PARD3B: variants seen among roughly 807,000 people sequenced by gnomAD.
PARD3B encodes the protein par-3 family cell polarity regulator beta, also known as partitioning defective 3 homolog B.
Under a neutral mutation model 130.2 loss-of-function variants are expected in PARD3B, and 103 were observed. The ratio of observed to expected loss-of-function variants is 0.79; its 90% CI spans 0.67 to 0.93. PARD3B has a LOEUF of 0.93. Among genes scored for constraint, PARD3B ranks in the 40% least tolerant of loss-of-function variants. The pLI, the probability that PARD3B is intolerant of heterozygous loss-of-function variation, is 0.00. For synonymous variants in PARD3B, 583 were observed against 553.2 expected, an observed-to-expected ratio of 1.05 and a Z score of -0.76; for missense variants, 1,609 against 1,499.2, an observed-to-expected ratio of 1.07 and a Z score of -1.21.
chr2:204,963,934 C>T (rs149868144), intron 2 of PARD3B, among the ~76,000 whole-genome samples: 9 of 152,138 alleles, frequency 5.9e-5, no homozygotes, highest in South Asian at 4.2e-4. Flanking sequence ...TTTTGAATGG[C>T]GAATTTGCAT....
At chr2:204,793,563 A>C (rs765789289) in intron 2 of PARD3B, among the ~76,000 whole-genome samples, 1 of 152,016 alleles carries the variant, frequency 6.6e-6, no homozygotes, top group Non-Finnish European at 1.5e-5. Context: ...GCTGGAGTGC[A>C]ATGGCGTGAC....
At chr2:205,076,439 T>C (rs540176790) in intron 4 of PARD3B, among the ~76,000 whole-genome samples, 10 of 152,324 alleles carry the variant, frequency 6.6e-5, no homozygotes, top group African/African-American at 2.2e-4. Context: ...TTATCTTAAA[T>C]GTTAACATAC....
chr2:204,879,246 C>T (rs2045952723), intron 2 of PARD3B, among the ~76,000 whole-genome samples: 1 of 152,168 alleles, frequency 6.6e-6, no homozygotes, highest in African/African-American at 2.4e-5. Context: ...TTTCACATCT[C>T]AGATGACAGG....
At chr2:205,334,422 A>G (rs536280444) in intron 18 of PARD3B, among the ~76,000 whole-genome samples, 1 of 152,364 alleles carries the variant, frequency 6.6e-6, no homozygotes, top group African/African-American at 2.4e-5. Flanking sequence ...GATGAATTCA[A>G]TTCAAGGGTG....
chr2:204,878,549 A>G (rs1284205034), intron 2 of PARD3B, among the ~76,000 whole-genome samples: 1 of 152,154 alleles, frequency 6.6e-6, no homozygotes, highest in East Asian at 1.9e-4. Flanking sequence ...AAAAAAGAGT[A>G]TAGCAAATTT....
chr2:205,290,634 G>T (rs913825501), intron 16 of PARD3B, among the ~76,000 whole-genome samples: 6 of 152,152 alleles, frequency 3.9e-5, no homozygotes, highest in Non-Finnish European at 8.8e-5. Flanking sequence ...GTTTCAAAGA[G>T]ATAGCCATTT....
In PARD3B at chr2:205,530,072, A is replaced by G. The variant is rs749267092; in HGVS notation, c.3181-23252A>G. Among the ~76,000 whole-genome samples the G allele has an allele frequency of 1.3e-5, 2 of 152,188 alleles. No homozygotes were observed. The highest frequency in any genetic ancestry group is 2.4e-5 in the African/African-American group (1 of 41,454). Reference sequence around the variant, plus strand: ...AATGCTGTGAAGAGTAAGAAATGCTATCCGTAGGGTATGCACATTCCCACC... The same window carrying G: ...AATGCTGTGAAGAGTAAGAAATGCTGTCCGTAGGGTATGCACATTCCCACC... On this transcript the variant is annotated intron_variant, in intron 21 of 22. Coordinates refer to ENST00000406610, the MANE Select transcript of PARD3B (RefSeq NM_001302769.2). The surrounding 1 kb of genome is among the most constrained non-coding windows in gnomAD (Gnocchi z 4.7).
At chr2:204,707,624 A>G (rs1269482730) in intron 2 of PARD3B, among the ~76,000 whole-genome samples, 1 of 152,164 alleles carries the variant, frequency 6.6e-6, no homozygotes, top group Non-Finnish European at 1.5e-5. Flanking sequence ...GTGTTTGTGC[A>G]TACACACAAA....
Position 204,546,011 on chromosome 2 carries a change from C to T in PARD3B, c.12C>T (p.Thr4=), listed in dbSNP as rs757298920. 3.8e-6 allele frequency: 6 copies of T among 1,567,878 alleles called. No homozygotes were observed. The highest frequency in any genetic ancestry group is 1.4e-5 in the African/African-American group (1 of 73,658). Reference sequence around the variant, plus strand: ...CGCCGGGGGCCAGGATGAAAGTGACCGTGTGCTTCGGCAGGACGGGCATCG... The same window carrying T: ...CGCCGGGGGCCAGGATGAAAGTGACTGTGTGCTTCGGCAGGACGGGCATCG... MKV[T]VCFGRTGIVV... is the part of the protein sequence containing the mutation. Residue 4 remains threonine (T), a synonymous_variant, in exon 1 of 23, where the codon ACC becomes ACT. Coordinates refer to ENST00000406610, the MANE Select transcript of PARD3B (RefSeq NM_001302769.2).
At chr2:205,245,974 T>C in intron 16 of PARD3B, 152 bp downstream of exon 16, 7 of 634,864 alleles carry the variant, frequency 1.1e-5, no homozygotes, top group South Asian at 2.3e-5. Context: ...AGATGACTTA[T>C]TGCTTGGCTG....
chr2:205,370,620 T>C (rs1488841594), intron 18 of PARD3B, among the ~76,000 whole-genome samples: 1 of 152,224 alleles, frequency 6.6e-6, no homozygotes. Context: ...CAGTTCATTC[T>C]GTCCTCTTCC....
intron 2 of PARD3B, among the ~76,000 whole-genome samples, chr2:204,801,882 CA>C: frequency 6.6e-6 from 1 of 152,234 alleles, no homozygotes; most frequent in Admixed American, 6.5e-5. Context: ...TACATTCCAT[CA>C]GTACATAGTT....
intron 18 of PARD3B, among the ~76,000 whole-genome samples, chr2:205,380,896 A>ATATATATAATATATAAAAAATATAT (rs2045373389): frequency 1.4e-4 from 2 of 14,024 alleles, no homozygotes; most frequent in Non-Finnish European, 2.4e-4. Context: ...TATATAAAGA[A>ATATATATAATATATAAAAAATATAT]TATATATAAT....
chr2:205,294,460 A>C (rs2041718045), intron 16 of PARD3B, among the ~76,000 whole-genome samples: 1 of 152,124 alleles, frequency 6.6e-6, no homozygotes, highest in African/African-American at 2.4e-5. Context: ...AATTTTGACT[A>C]TTTGTTTGTG....
At chr2:205,480,078 A>G (rs554252798) in intron 20 of PARD3B, among the ~76,000 whole-genome samples, 3 of 151,294 alleles carry the variant, frequency 2.0e-5, no homozygotes, top group Non-Finnish European at 4.4e-5. Context: ...AATTTTTTGT[A>G]TTTTTTAGTA....
At chr2:205,159,028 A>T (rs2034353449) in intron 11 of PARD3B, 121 bp downstream of exon 11, 1 of 1,013,512 alleles carries the variant, frequency 9.9e-7, no homozygotes, top group South Asian at 1.5e-5. Flanking sequence ...TTCCCGCCAG[A>T]TACAAAAAAT....
At chr2:204,717,920 A>C (rs2125313538) in intron 2 of PARD3B, among the ~76,000 whole-genome samples, 1 of 152,300 alleles carries the variant, frequency 6.6e-6, no homozygotes, top group East Asian at 1.9e-4. Flanking sequence ...ATAGTGATTG[A>C]CATTTGTGAT....
At chr2:205,118,785 C>A in intron 6 of PARD3B, 136 bp from the exon 7 acceptor site, 1 of 668,552 alleles carries the variant, frequency 1.5e-6, no homozygotes, top group Non-Finnish European at 2.3e-6. Context: ...ATTAAAATAA[C>A]AAACAGTTGC....
At chr2:204,680,356 C>G (rs948589211) in intron 1 of PARD3B, among the ~76,000 whole-genome samples, 4 of 151,760 alleles carry the variant, frequency 2.6e-5, no homozygotes, top group African/African-American at 9.7e-5. Flanking sequence ...ATTTATAGGT[C>G]CAAGGTTTTT....
Sources: gnomAD v4.1 joint callset for allele counts (sites outside exome capture counted in the v4.1 genomes callset) on GRCh38, gnomAD v4.1.1 for gene constraint, Gnocchi (gnomAD v3.1) non-coding constraint, MANE v1.5 for transcripts, NCBI Gene and HGNC (gene_info 2026-07-23, HGNC 2026-07-21) for gene names.